ST3GAL1: variants seen among roughly 807,000 people sequenced by gnomAD.
The protein encoded by ST3GAL1 is CMP-N-acetylneuraminate-beta-galactosamide-alpha-2,3-sialyltransferase 1.
A neutral mutation model predicts 34.1 loss-of-function variants in ST3GAL1; 16 were observed. That is an observed-to-expected ratio of 0.47 (90% CI 0.32 to 0.71). The LOEUF is 0.71. Among genes scored for constraint, ST3GAL1 ranks in the 30% least tolerant of loss-of-function variants. The pLI, the probability that ST3GAL1 is intolerant of heterozygous loss-of-function variation, is 0.04. For missense variants in ST3GAL1, 353 were observed against 447.4 expected (o/e 0.79, Z 1.90); for synonymous variants, 191 against 184.7 (o/e 1.03, Z -0.28).
chr8:133,473,243 C>T (rs931618553), intron 5 of ST3GAL1, among the ~76,000 whole-genome samples: 4 of 152,188 alleles, frequency 2.6e-5, no homozygotes, highest in Non-Finnish European at 5.9e-5. Flanking sequence ...AAGATCGATA[C>T]TGTCTTGGTG....
intron 2 of ST3GAL1, among the ~76,000 whole-genome samples, chr8:133,544,451 C>T (rs1818621215): frequency 6.6e-6 from 1 of 152,238 alleles, no homozygotes; most frequent in Admixed American, 6.5e-5. Flanking sequence ...CAAAGTAAAC[C>T]TATGACCATA....
At chr8:133,559,035 TTGTGTGTGTG>T (rs34571050) in intron 1 of ST3GAL1, among the ~76,000 whole-genome samples, 1 of 149,148 alleles carries the variant, frequency 6.7e-6, no homozygotes, top group Non-Finnish European at 1.5e-5. Context: ...GAGTGTGGTT[TTGTGTGTGTG>T]TGTGTGTGTG....
chr8:133,566,598 C>G (rs1489986877), intron 1 of ST3GAL1, among the ~76,000 whole-genome samples: 1 of 152,134 alleles, frequency 6.6e-6, no homozygotes, highest in East Asian at 1.9e-4. Flanking sequence ...GGGACTTGCT[C>G]CAGCTCACTC....
intron 9 of ST3GAL1, among the ~76,000 whole-genome samples, chr8:133,460,847 G>A (rs1815470051): frequency 6.6e-6 from 1 of 152,114 alleles, no homozygotes; most frequent in Non-Finnish European, 1.5e-5. Flanking sequence ...GGCTTCCAGG[G>A]AGAGGACGTG....
At chr8:133,548,872 T>C (rs959665898) in intron 1 of ST3GAL1, among the ~76,000 whole-genome samples, 18 of 152,158 alleles carry the variant, frequency 1.2e-4, no homozygotes, top group Non-Finnish European at 4.4e-5. Flanking sequence ...CATATGGGTG[T>C]AGGAGGCACT....
intron 1 of ST3GAL1, among the ~76,000 whole-genome samples, chr8:133,562,837 C>CTTTTT (rs1563744673): frequency 1.2e-3 from 87 of 69,830 alleles, no homozygotes; most frequent in African/African-American, 6.0e-3. Context: ...TTCCTTCCTT[C>CTTTTT]CTTCCTTTCT....
At chr8:133,558,726 T>C (rs1383259944) in intron 1 of ST3GAL1, among the ~76,000 whole-genome samples, 2 of 152,212 alleles carry the variant, frequency 1.3e-5, no homozygotes, top group Non-Finnish European at 2.9e-5. Context: ...TATTCAAAAC[T>C]GTCTCCACAG....
At chr8:133,491,737 G>A (rs925547788) in intron 3 of ST3GAL1, among the ~76,000 whole-genome samples, 5 of 152,160 alleles carry the variant, frequency 3.3e-5, no homozygotes, top group African/African-American at 7.2e-5. Flanking sequence ...CCAGGGTTCC[G>A]GGATGGGTGG....
At chr8:133,551,621 C>T (rs908540186) in intron 1 of ST3GAL1, among the ~76,000 whole-genome samples, 1 of 147,596 alleles carries the variant, frequency 6.8e-6, no homozygotes, top group Non-Finnish European at 1.5e-5. Flanking sequence ...AAAGAAAGAG[C>T]GAGCAAGCCT....
chr8:133,461,744 T>C lies in ST3GAL1; in HGVS notation c.849+131A>G, dbSNP rs1344111539. 5 of 1,314,522 alleles carry C rather than the reference T, an allele frequency of 3.8e-6. No individual in the cohort carries two copies. The highest frequency in any genetic ancestry group is 5.3e-6 in the Non-Finnish European group (5 of 943,572). 81.4% of individuals were successfully genotyped at this position (1,314,522 alleles called of 1,614,324 possible). On this transcript the variant is annotated intron_variant, in intron 9 of 9. Coordinates refer to ENST00000522652, the MANE Select transcript of ST3GAL1 (RefSeq NM_173344.3). This position sits in a 1 kb window ranked among gnomAD's most constrained non-coding sequence, Gnocchi z 4.7. Reference sequence around the variant, plus strand: ...GAGACACATGTTGCAAGTCCTGTCGTAGAGACAGGGAATCCGAGCTTCCGG... The same window carrying C: ...GAGACACATGTTGCAAGTCCTGTCGCAGAGACAGGGAATCCGAGCTTCCGG...
At chr8:133,568,604 G>T (rs1168597206) in intron 1 of ST3GAL1, among the ~76,000 whole-genome samples, 2 of 152,156 alleles carry the variant, frequency 1.3e-5, no homozygotes, top group African/African-American at 4.8e-5. Flanking sequence ...GGTGGTGTGG[G>T]AGGGGCCTAG....
intron 8 of ST3GAL1, 146 bp from the exon 9 acceptor site, chr8:133,462,140 T>C: frequency 8.2e-7 from 1 of 1,215,550 alleles, no homozygotes; most frequent in South Asian, 1.5e-5. Flanking sequence ...TCCATGCTCG[T>C]AGGAAAGATG....
intron 2 of ST3GAL1, among the ~76,000 whole-genome samples, chr8:133,501,126 C>T (rs537128171): frequency 6.6e-6 from 1 of 152,302 alleles, no homozygotes; most frequent in South Asian, 2.1e-4. Flanking sequence ...TAAGCAAGGC[C>T]AGATGTGGGA....
intron 3 of ST3GAL1, among the ~76,000 whole-genome samples, chr8:133,482,339 T>A (rs1212159546): frequency 1.3e-5 from 2 of 152,218 alleles, no homozygotes; most frequent in African/African-American, 4.8e-5. Context: ...CTTTCCATGT[T>A]CCTGTTCTTG....
In ST3GAL1 at chr8:133,458,210, C is replaced by T. The variant is rs1456793260; in HGVS notation, c.*1554G>A. The T allele has an allele frequency of 6.6e-6, 1 of 152,162 alleles. No homozygotes were observed. The allele number at this position is 152,162 out of a possible 1,614,324, so 9.4% of individuals were successfully genotyped here. On this transcript the variant is annotated 3_prime_UTR_variant, in exon 10 of 10. Transcript: ENST00000522652. ...ACTCCTACAAACCTCCCTTAAGCAC[C>T]CCCACCTAATTTCCCAGCTACTGGG...
At chr8:133,495,296 A>G (rs1327362187) in intron 3 of ST3GAL1, among the ~76,000 whole-genome samples, 1 of 152,168 alleles carries the variant, frequency 6.6e-6, no homozygotes, top group Non-Finnish European at 1.5e-5. Flanking sequence ...CCGTGCAACT[A>G]AGTTTCTTGA....
At chr8:133,525,414 T>C (rs1439294534) in intron 2 of ST3GAL1, among the ~76,000 whole-genome samples, 1 of 152,100 alleles carries the variant, frequency 6.6e-6, no homozygotes, top group Admixed American at 6.5e-5. Flanking sequence ...TGGATGGCCA[T>C]GGATGGGCTT....
chr8:133,568,838 C>G (rs1036905084), intron 1 of ST3GAL1, among the ~76,000 whole-genome samples: 1 of 152,052 alleles, frequency 6.6e-6, no homozygotes, highest in Non-Finnish European at 1.5e-5. Context: ...AGAGATCTAC[C>G]TCACCCCCAA....
At chr8:133,517,311 G>T (rs1308393220) in intron 2 of ST3GAL1, among the ~76,000 whole-genome samples, 1 of 152,084 alleles carries the variant, frequency 6.6e-6, no homozygotes, top group East Asian at 1.9e-4. Context: ...CCACCAAACT[G>T]GTGGATAACT....
Sources: allele counts gnomAD v4.1 joint callset (sites outside exome capture counted in the v4.1 genomes callset), GRCh38; gene constraint gnomAD v4.1.1; non-coding constraint Gnocchi (gnomAD v3.1); transcripts MANE v1.5; gene names NCBI Gene and HGNC (gene_info 2026-07-23, HGNC 2026-07-21).